Variants in NAV2 observed in about 807,000 individuals in gnomAD.
The protein encoded by NAV2 is helicase, APC down-regulated 1.
Under a neutral mutation model 223.2 loss-of-function variants are expected in NAV2, and 54 were observed. The observed-to-expected ratio is 0.24, with a 90% CI of 0.19 to 0.30. NAV2 has a LOEUF of 0.30. NAV2 is among the 10% of genes least tolerant of loss of function. The pLI is 1.00. For synonymous variants in NAV2, 1,279 were observed against 1,239.3 expected (o/e 1.03, Z -0.67); for missense variants, 2,806 against 3,147.5 (o/e 0.89, Z 2.60).
chr11:19,612,505 G>A (rs1329402617), intron 1 of NAV2, among the ~76,000 whole-genome samples: 1 of 152,180 alleles, frequency 6.6e-6, no homozygotes, highest in Admixed American at 6.5e-5. Flanking sequence ...TGAATGCTTT[G>A]CTGCTTAGAA....
At chr11:19,719,618 A>T (rs192574859) in intron 1 of NAV2, among the ~76,000 whole-genome samples, 1 of 152,292 alleles carries the variant, frequency 6.6e-6, no homozygotes, top group East Asian at 1.9e-4. Context: ...CAAGTTTGGA[A>T]ACTATGTCTG....
chr11:19,519,816 A>G (rs1265578378), intron 1 of NAV2: 4 of 152,174 alleles, frequency 2.6e-5, no homozygotes, highest in Non-Finnish European at 4.4e-5. Flanking sequence ...TGATCACCAG[A>G]GGAGTGATGA....
In NAV2 at chr11:19,915,307, T is replaced by G. The variant is rs184239632; in HGVS notation, c.932-17869T>G. On this transcript the variant is annotated intron_variant, in intron 6 of 37. Transcript: ENST00000349880. ...TTCGTAAAGGGAAAGATGACTTGTG[T>G]TGAGAAGAGGGAAATTGTAGCCAGG... Among the ~76,000 whole-genome samples, 8 of 152,342 alleles carry G rather than the reference T, an allele frequency of 5.3e-5. No homozygotes were observed. In the East Asian group the frequency reaches 1.5e-3, roughly 29 times the overall value.
intron 19 of NAV2, chr11:20,056,745 CA>C (rs1335289067): frequency 2.8e-6 from 2 of 707,108 alleles, no homozygotes; most frequent in Admixed American, 2.3e-5. Context: ...GTCAGACTAG[CA>C]GAGTTTAAAT....
In NAV2 at chr11:19,714,955, G is replaced by A. The variant is rs116212706; in HGVS notation, c.267+993G>A. On this transcript the variant is annotated intron_variant, in intron 1 of 37. Transcript: ENST00000349880. The stretch of plus-strand genomic sequence containing the variant: ...GACGGATGTGACTGTCCGGTTAGGA[G>A]AGGCGGGAAGCCAGAGGGGAGGTGG... 3.8e-3 allele frequency among the ~76,000 whole-genome samples: 584 copies of A among 152,292 alleles called. 4 individuals carry two copies. Among genetic ancestry groups the A allele is most frequent in the African/African-American group, 0.013 (552 of 41,558 alleles).
At chr11:20,104,216 T>C (rs903429874) in intron 34 of NAV2, 1 of 174,960 alleles carries the variant, frequency 5.7e-6, no homozygotes, top group Non-Finnish European at 1.2e-5. Context: ...CCTGCCCCGC[T>C]GCCATAGCAC....
intron 1 of NAV2, among the ~76,000 whole-genome samples, chr11:19,752,719 G>C (rs548372386): frequency 6.6e-6 from 1 of 152,280 alleles, no homozygotes; most frequent in East Asian, 1.9e-4. Context: ...CCATTGGACA[G>C]GAATGTTGTT....
At chr11:19,732,514 C>A (rs1294237977) in intron 1 of NAV2, among the ~76,000 whole-genome samples, 2 of 152,238 alleles carry the variant, frequency 1.3e-5, no homozygotes, top group Admixed American at 6.5e-5. Flanking sequence ...AGTAGCATAA[C>A]AACCTTGTGA....
intron 1 of NAV2, among the ~76,000 whole-genome samples, chr11:19,694,742 T>C (rs560515399): frequency 6.6e-6 from 1 of 152,296 alleles, no homozygotes; most frequent in East Asian, 1.9e-4. Flanking sequence ...GCAGATAGAC[T>C]AGGGGTGCAG....
intron 1 of NAV2, among the ~76,000 whole-genome samples, chr11:19,684,860 G>T (rs2048978020): frequency 6.6e-6 from 1 of 152,200 alleles, no homozygotes; most frequent in South Asian, 2.1e-4. Context: ...AGAGCCCTTG[G>T]TTGGCACATT....
intron 26 of NAV2, among the ~76,000 whole-genome samples, chr11:20,084,866 C>G (rs563824010): frequency 1.3e-5 from 2 of 152,194 alleles, no homozygotes; most frequent in South Asian, 4.2e-4. Flanking sequence ...GAGCAGAGCA[C>G]TATTCCAGAT....
chr11:19,933,100 G>T lies in NAV2; in HGVS notation c.932-76G>T. 6.9e-7 allele frequency: 1 copy of T among 1,459,760 alleles called. No individual in the cohort carries two copies. Among genetic ancestry groups the T allele is most frequent in the South Asian group, 1.6e-5 (1 of 61,182 alleles). 90.4% of individuals were successfully genotyped at this position (1,459,760 alleles called of 1,614,324 possible). On this transcript the variant is annotated intron_variant, in intron 6 of 37. Transcript: ENST00000349880. This position sits in a 1 kb window ranked among gnomAD's most constrained non-coding sequence, Gnocchi z 4.3. Reference sequence around the variant, plus strand: ...TGGGTTGGGAGTGATTGGTTGTGTGGCCATGGCTGACCCTCCCTGGTCTTC... The same window carrying T: ...TGGGTTGGGAGTGATTGGTTGTGTGTCCATGGCTGACCCTCCCTGGTCTTC...
chr11:19,362,779 T>TATC (rs1854032772), intron 1 of NAV2, among the ~76,000 whole-genome samples: 1 of 152,202 alleles, frequency 6.6e-6, no homozygotes, highest in Non-Finnish European at 1.5e-5. Context: ...ATAGTATTAT[T>TATC]ATCATTTAGA....
chr11:19,399,677 T>G (rs1210077674), intron 1 of NAV2, among the ~76,000 whole-genome samples: 1 of 152,206 alleles, frequency 6.6e-6, no homozygotes, highest in Non-Finnish European at 1.5e-5. Flanking sequence ...CAACTGTAAT[T>G]GCTATGATCA....
At chr11:20,117,513 G>C (rs1293845439) in intron 37 of NAV2, among the ~76,000 whole-genome samples, 1 of 152,170 alleles carries the variant, frequency 6.6e-6, no homozygotes, top group African/African-American at 2.4e-5. Flanking sequence ...ATAAGCGAAG[G>C]CTCTTTGCAC....
chr11:19,975,204 C>G (rs114346620), intron 10 of NAV2, among the ~76,000 whole-genome samples: 303 of 152,322 alleles, frequency 2.0e-3, no homozygotes, highest in African/African-American at 6.8e-3. Flanking sequence ...ACAATTCAGG[C>G]AAGACCAGTT....
In NAV2 at chr11:20,054,083, T is replaced by C. The variant is rs767006387; in HGVS notation, c.4485T>C (p.Tyr1495=). The part of the protein sequence containing the change: ...RNTLPKKGLR[Y]TPTSQLRTQE... ...GGCTTGATTTCTGTCTGTCCAGGTA[T>C]ACTCCCACCTCCCAGCTTCGCACGC... The change falls in exon 18 of 38, where the codon TAT becomes TAC. Residue 1495 remains tyrosine (Y), a synonymous_variant. Coordinates refer to ENST00000349880, the MANE Select transcript of NAV2 (RefSeq NM_145117.5). 6 of 1,612,770 alleles carry C rather than the reference T, an allele frequency of 3.7e-6. No individual in the cohort carries two copies. The Admixed American group carries it at 8.4e-5, about 23-fold the overall frequency.
At chr11:19,555,363 C>A (rs1224911552) in intron 1 of NAV2, among the ~76,000 whole-genome samples, 2 of 152,264 alleles carry the variant, frequency 1.3e-5, no homozygotes. Context: ...GGTCTATCAC[C>A]TTGGGCAAGG....
At chr11:19,433,624 T>C (rs1325940554) in intron 1 of NAV2, among the ~76,000 whole-genome samples, 1 of 152,198 alleles carries the variant, frequency 6.6e-6, no homozygotes, top group African/African-American at 2.4e-5. Context: ...GGCGGTGGTA[T>C]GGACCAAGCA....
Sources: gnomAD v4.1 joint callset for allele counts (sites outside exome capture counted in the v4.1 genomes callset) on GRCh38, gnomAD v4.1.1 for gene constraint, Gnocchi (gnomAD v3.1) non-coding constraint, MANE v1.5 for transcripts, NCBI Gene and HGNC (gene_info 2026-07-23, HGNC 2026-07-21) for gene names.